The following MIGA1 variants were observed in gnomAD, a reference collection of about 807,000 sequenced individuals.
MIGA1 encodes the protein mitoguardin 1.
MIGA1 carries 58 observed loss-of-function variants against 82.0 expected under a neutral mutation model. That is an observed-to-expected ratio of 0.71 (90% CI 0.57 to 0.88). The LOEUF (loss-of-function observed/expected upper bound fraction) is 0.88. Ranked by LOEUF, MIGA1 falls within the 40% of genes least tolerant of loss-of-function variation. The pLI is 0.00. For missense variants in MIGA1, 751 were observed against 749.1 expected, an observed-to-expected ratio of 1.00 and a Z score of -0.03; for synonymous variants, 249 against 253.6, an observed-to-expected ratio of 0.98 and a Z score of 0.17.
At chr1:77,816,416 A>G (rs1243135921) in intron 7 of MIGA1, among the ~76,000 whole-genome samples, 2 of 152,238 alleles carry the variant, frequency 1.3e-5, no homozygotes, top group African/African-American at 4.8e-5. Context: ...CAATTAAAAT[A>G]AAAGCTAAGG....
chr1:77,829,816 T>C (rs529619138), intron 7 of MIGA1, among the ~76,000 whole-genome samples: 1 of 152,248 alleles, frequency 6.6e-6, no homozygotes, highest in South Asian at 2.1e-4. Flanking sequence ...TTTTAATGTT[T>C]GGATGGGTAA....
At chr1:77,853,281 A>G (rs1422740417) in intron 8 of MIGA1, 1 of 152,244 alleles carries the variant, frequency 6.6e-6, no homozygotes, top group Non-Finnish European at 1.5e-5. Context: ...TGGATTTTTA[A>G]TTTGCTCTCT....
At chr1:77,785,056 A>C (rs1337339102) in intron 2 of MIGA1, among the ~76,000 whole-genome samples, 1 of 152,166 alleles carries the variant, frequency 6.6e-6, no homozygotes, top group Non-Finnish European at 1.5e-5. Context: ...GGCCCCTCCC[A>C]AATCTCATGT....
rs1276932912 is a variant in MIGA1 at position 77,782,817 on chromosome 1, A to G, written c.82-421A>G. ...GCCCCAAGATTCTGTTCCAGATTCC[A>G]TTCAGCAACCTGCCTGCCACCTACT... On this transcript the variant is annotated intron_variant, in intron 1 of 15. Coordinates refer to ENST00000370791, the MANE Select transcript of MIGA1 (RefSeq NM_198549.4). The G allele has an allele frequency of 4.1e-6, 4 of 970,426 alleles. No homozygotes were observed. In the African/African-American group the frequency reaches 7.0e-5, roughly 17 times the overall value. 60.1% of individuals were successfully genotyped at this position (970,426 alleles called of 1,614,324 possible).
chr1:77,782,005 G>A (rs750252115), intron 1 of MIGA1, among the ~76,000 whole-genome samples: 2 of 150,248 alleles, frequency 1.3e-5, no homozygotes, highest in East Asian at 1.9e-4. Context: ...TTTTTTTTTG[G>A]TGTAGGCAGG....
chr1:77,783,951 T>A (rs1469949450), intron 2 of MIGA1, among the ~76,000 whole-genome samples: 5 of 152,252 alleles, frequency 3.3e-5, no homozygotes, highest in African/African-American at 4.8e-5. Flanking sequence ...CTTAGCATAA[T>A]GTCCTCAAGG....
rs1224387433 is a variant in MIGA1 at position 77,879,398 on chromosome 1, T to C, written c.*4334T>C. ...GCTGATGTCAGTAAATGTTTCTGTCTCCTAAATGTAAGGACTGTACTCATT... is the reference window on the plus strand; with the variant it reads ...GCTGATGTCAGTAAATGTTTCTGTCCCCTAAATGTAAGGACTGTACTCATT... On this transcript the variant is annotated 3_prime_UTR_variant, in exon 16 of 16. Transcript: ENST00000370791. 1 of 152,182 alleles carries C rather than the reference T, an allele frequency of 6.6e-6. No homozygotes were observed. The highest frequency in any genetic ancestry group is 1.5e-5 in the Non-Finnish European group (1 of 68,038). 9.4% of individuals were successfully genotyped at this position (152,182 alleles called of 1,614,324 possible). A position where few individuals can be genotyped will look rare whatever the true frequency, so the allele number is the denominator to read the frequency against.
intron 7 of MIGA1, among the ~76,000 whole-genome samples, chr1:77,825,252 C>T (rs1358159019): frequency 6.6e-6 from 1 of 151,984 alleles, no homozygotes; most frequent in Non-Finnish European, 1.5e-5. Flanking sequence ...GTGATCTGCC[C>T]GCCTCAGCCT....
Position 77,875,288 on chromosome 1 carries a change from A to G in MIGA1, c.*224A>G. 1 of 449,902 alleles carries G rather than the reference A, an allele frequency of 2.2e-6. No homozygotes were observed. The highest frequency in any genetic ancestry group is 3.9e-6 in the Non-Finnish European group (1 of 253,688). 27.9% of individuals were successfully genotyped at this position (449,902 alleles called of 1,614,324 possible). On this transcript the variant is annotated 3_prime_UTR_variant, in exon 16 of 16. Transcript: ENST00000370791. ...TGGCTTTTTGCATTCATTAGGTAAT[A>G]ATTGAAGTCATGAAATGTATATTTT...
At chr1:77,831,379 T>C (rs1056813812) in intron 7 of MIGA1, among the ~76,000 whole-genome samples, 1 of 152,110 alleles carries the variant, frequency 6.6e-6, no homozygotes, top group Non-Finnish European at 1.5e-5. Flanking sequence ...AAATGTTTGT[T>C]TTATTATTTT....
rs1461829269 is a variant in MIGA1, at chr1:77,856,849, G to A, written c.997-2089G>A. ...CAGCTTTTTGTTTCATTCCTCTTTT[G>A]TATTTTTTTTTGTTTCAATTTCATT... On this transcript the variant is annotated intron_variant, in intron 8 of 15. Transcript: ENST00000370791. Among the ~76,000 whole-genome samples the A allele has an allele frequency of 2.0e-5, 3 of 151,444 alleles. No individual in the cohort carries two copies. In the East Asian group the frequency reaches 5.8e-4, roughly 29 times the overall value.
At chr1:77,874,780 A>G (rs1646881012) in intron 15 of MIGA1, 66 bp from the exon 16 acceptor site, 1 of 1,118,420 alleles carries the variant, frequency 8.9e-7, no homozygotes, top group Admixed American at 2.0e-5. Flanking sequence ...TCATTATAAT[A>G]TTAGAAGCTT....
chr1:77,796,394 A>C (rs1424974589), intron 2 of MIGA1, among the ~76,000 whole-genome samples: 3 of 151,606 alleles, frequency 2.0e-5, no homozygotes, highest in African/African-American at 7.3e-5. Flanking sequence ...CTGGGATTAC[A>C]GGCGTGAGCC....
chr1:77,858,891 G>T (rs774316526), intron 8 of MIGA1, 47 bp from the exon 9 acceptor site: 1 of 1,059,446 alleles, frequency 9.4e-7, no homozygotes, highest in Admixed American at 1.8e-5. Context: ...ACAGGCATGA[G>T]CCACTGCACC....
intron 1 of MIGA1, chr1:77,782,860 A>G (rs975486217): frequency 2.6e-5 from 26 of 984,730 alleles, no homozygotes; most frequent in Non-Finnish European, 3.1e-5. Context: ...CCGCAGTTAT[A>G]TGAAGGAAAC....
At chr1:77,814,681 G>T (rs1044844838) in intron 6 of MIGA1, among the ~76,000 whole-genome samples, 1 of 152,296 alleles carries the variant, frequency 6.6e-6, no homozygotes, top group South Asian at 2.1e-4. Flanking sequence ...TAAGCTAGTG[G>T]TTCTCAAACT....
intron 2 of MIGA1, among the ~76,000 whole-genome samples, chr1:77,789,539 T>A (rs1434201084): frequency 1.3e-5 from 2 of 152,144 alleles, no homozygotes; most frequent in Non-Finnish European, 2.9e-5. Flanking sequence ...TTTAACCAGA[T>A]TTTAAAATAA....
chr1:77,847,414 A>T (rs1336017843), intron 8 of MIGA1: 1 of 1,371,100 alleles, frequency 7.3e-7, no homozygotes, highest in African/African-American at 1.4e-5. Flanking sequence ...AAGCCCAAGT[A>T]TATTCACAAC....
chr1:77,853,826 C>G (rs80091092), intron 8 of MIGA1: 1 of 241,030 alleles, frequency 4.1e-6, no homozygotes, highest in East Asian at 1.0e-4. Flanking sequence ...TGGAGAGATT[C>G]AACCAGTTAG....
Sources: allele counts gnomAD v4.1 joint callset (sites outside exome capture counted in the v4.1 genomes callset), GRCh38; gene constraint gnomAD v4.1.1; transcripts MANE v1.5; gene names NCBI Gene and HGNC (gene_info 2026-07-23, HGNC 2026-07-21).